Variants in C21orf58 observed in about 807,000 individuals in gnomAD.
C21orf58 encodes uncharacterized protein C21orf58.
A neutral mutation model predicts 35.8 loss-of-function variants in C21orf58; 34 were observed. The observed-to-expected ratio is 0.95, with a 90% confidence interval of 0.72 to 1.26. The LOEUF (loss-of-function observed/expected upper bound fraction) is 1.26. Among genes scored for constraint, C21orf58 ranks in the 50% most tolerant of loss-of-function variants. The pLI is 0.00. For missense variants in C21orf58, 440 were observed against 414.3 expected, an observed-to-expected ratio of 1.06 and a Z score of -0.54; for synonymous variants, 191 against 175.8, an observed-to-expected ratio of 1.09 and a Z score of -0.68.
intron 1 of C21orf58, among the ~76,000 whole-genome samples, chr21:46,320,058 A>G (rs2083103837): frequency 6.6e-6 from 1 of 152,114 alleles, no homozygotes; most frequent in African/African-American, 2.4e-5. Context: ...AACTGTATAG[A>G]GCACCCTTGA....
In C21orf58 at chr21:46,311,465, T is replaced by C. The variant is rs2082682044; in HGVS notation, c.712A>G (p.Ile238Val). The change falls in exon 6 of 8, where the codon ATT (isoleucine) becomes GTT (valine). Residue 238 changes from isoleucine to valine, a missense_variant. Transcript: ENST00000291691. ...QAFPTQRSGS[I>V]KEDMVELLLL... ...AATATGGAACACTTACCTTCCTTAA[T>C]ACTTCCTGACCGTTGAGTAGGGAAG... The C allele has an allele frequency of 6.3e-7, 1 of 1,586,922 alleles. No individual in the cohort carries two copies.
At chr21:46,320,626 T>C (rs756270541) in intron 1 of C21orf58, 1 of 150,376 alleles carries the variant, frequency 6.6e-6, no homozygotes, top group African/African-American at 2.4e-5. Context: ...ACTCTTACTA[T>C]CAGTCCTTAC....
At position 46,302,470 on chromosome 21, in the gene C21orf58, G is replaced by T; in HGVS notation, c.813+15C>A. 2 of 1,586,826 alleles carry T rather than the reference G, an allele frequency of 1.3e-6. No homozygotes were observed. Among genetic ancestry groups the T allele is most frequent in the East Asian group, 2.3e-5 (1 of 44,396 alleles). ...TGTTTCCTTGGCCTAGGGTTCTGCT[G>T]GGGGCTAAGCCTACCTGCAGGGCTG... On this transcript the variant is annotated intron_variant, in intron 7 of 7. Transcript: ENST00000291691.
At chr21:46,322,528 T>C (rs2083206213) in intron 1 of C21orf58, 111 bp downstream of exon 1, 1 of 1,309,076 alleles carries the variant, frequency 7.6e-7, no homozygotes, top group Non-Finnish European at 9.8e-7. Flanking sequence ...CCTGCTCGCT[T>C]GGCTGTGTTG....
intron 6 of C21orf58, among the ~76,000 whole-genome samples, chr21:46,304,506 A>C (rs2082327452): frequency 1.3e-5 from 2 of 152,048 alleles, no homozygotes; most frequent in South Asian, 4.1e-4. Flanking sequence ...AAAAACCTCA[A>C]AAAACAAAAA....
chr21:46,303,652 A>G (rs1389342279), intron 6 of C21orf58, among the ~76,000 whole-genome samples: 3 of 138,006 alleles, frequency 2.2e-5, no homozygotes, highest in Non-Finnish European at 4.6e-5. Context: ...AGGAGCTGAC[A>G]CCAGTCATAG....
In C21orf58 at chr21:46,315,513, A is replaced by AG. The variant is rs2082939159; in HGVS notation, c.404dup (p.Ala136CysfsTer104). ...GAAGGTCCCTCCTTCTCTTCAGAGC[A>AG]GTCTGCAGGGCATCGTCCGGCCGGT... On this transcript the variant is annotated frameshift_variant, in exon 4 of 8. Transcript: ENST00000291691. LOFTEE classifies it high-confidence loss of function. 1 of 1,612,146 alleles carries AG rather than the reference A, an allele frequency of 6.2e-7. No homozygotes were observed. Among genetic ancestry groups the AG allele is most frequent in the South Asian group, 1.1e-5 (1 of 91,062 alleles).
At chr21:46,314,553 C>T (rs1278999776) in intron 5 of C21orf58, among the ~76,000 whole-genome samples, 163 bp downstream of exon 5, 5 of 152,226 alleles carry the variant, frequency 3.3e-5, no homozygotes, top group Non-Finnish European at 5.9e-5. Flanking sequence ...GAGGCCCAGG[C>T]AGTGCCCAGG....
At chr21:46,313,071 T>G in intron 5 of C21orf58, 1 of 985,202 alleles carries the variant, frequency 1.0e-6, no homozygotes, top group South Asian at 4.7e-5. Context: ...AGACCAAGAG[T>G]TGGCAAACTT....
At chr21:46,318,488 G>A (rs940423429) in intron 1 of C21orf58, 28 of 1,359,518 alleles carry the variant, frequency 2.1e-5, no homozygotes, top group African/African-American at 1.6e-4. Flanking sequence ...AAGGGCAGTC[G>A]TGACCCCCTA....
Position 46,323,630 on chromosome 21 carries a change from GGGAGCCCTTGC to G in C21orf58, c.-903_-893del, listed in dbSNP as rs2083250448. 1 of 155,640 alleles carries G rather than the reference GGGAGCCCTTGC, an allele frequency of 6.4e-6. No homozygotes were observed. Among genetic ancestry groups the G allele is most frequent in the Non-Finnish European group, 1.4e-5 (1 of 69,926 alleles). 9.6% of individuals were successfully genotyped at this position (155,640 alleles called of 1,614,324 possible). A position where few individuals can be genotyped will look rare whatever the true frequency, so the allele number is the denominator to read the frequency against. On this transcript the variant is annotated 5_prime_UTR_variant, in exon 1 of 8. Transcript: ENST00000291691. ...GTTCCCAGGGTCCCGGCAAGGGTGA[GGGAGCCCTTGC>G]GGATCCCCTGAGATCCACCTCAGCA...
rs1555930176 is a variant in C21orf58 at position 46,314,131 on chromosome 21, G to GTTTTTTTTTGTTGT, written c.609+584_609+585insACAACAAAAAAAAA. Among the ~76,000 whole-genome samples, 135 of 145,110 alleles carry GTTTTTTTTTGTTGT rather than the reference G, an allele frequency of 9.3e-4. 1 individual carries two copies. The East Asian group carries it at 0.014, about 16-fold the overall frequency. ...TTAAGCATCTCCTGGGCATGATAAA[G>GTTTTTTTTTGTTGT]TTTTTTTTTTGAGATGGAGTCTTGT... is the stretch of plus-strand genomic sequence containing the variant. On this transcript the variant is annotated intron_variant, in intron 5 of 7. Coordinates refer to ENST00000291691, the MANE Select transcript of C21orf58 (RefSeq NM_058180.5).
At chr21:46,301,105 CA>C, downstream of C21orf58, 1 of 1,006,844 alleles carries the variant, frequency 9.9e-7, no homozygotes, top group Non-Finnish European at 1.2e-6. Context: ...TTTATTAACT[CA>C]AAAGGGATCA....
chr21:46,317,957 C>G (rs1312525135), intron 2 of C21orf58, 55 bp downstream of exon 2: 12 of 1,592,504 alleles, frequency 7.5e-6, no homozygotes, highest in Non-Finnish European at 1.0e-5. Flanking sequence ...AGAGTCCCTC[C>G]AACGCCACAG....
rs1157271957 is a variant in C21orf58, at chr21:46,302,538, G to A, written c.760C>T (p.His254Tyr). ...ATCCAGTTCTGCAGGACCAACTGGT[G>A]CACCTGTGCGTTCTGCAGCAGCAGC... ...ELLLLQNAQV[H>Y]QLVLQNWMLK... Residue 254 changes from histidine (H) to tyrosine (Y), a missense_variant, in exon 7 of 8, where the codon CAC becomes TAC. His to Tyr is a moderately conservative substitution (Grantham distance 83). Coordinates refer to ENST00000291691, the MANE Select transcript of C21orf58 (RefSeq NM_058180.5). The A allele has an allele frequency of 6.2e-7, 1 of 1,612,758 alleles. No homozygotes were observed. The highest frequency in any genetic ancestry group is 1.7e-5 in the Admixed American group (1 of 59,910).
At position 46,302,502 on chromosome 21, in the gene C21orf58, G is replaced by A. The variant is rs777681920; in HGVS notation, c.796C>T (p.Leu266=). The A allele has an allele frequency of 6.2e-6, 10 of 1,611,382 alleles. No individual in the cohort carries two copies. The African/African-American group carries it at 1.1e-4, about 17-fold the overall frequency. The change falls in exon 7 of 8, where the codon CTG becomes TTG. Residue 266 remains leucine (L), a synonymous_variant. Coordinates refer to ENST00000291691, the MANE Select transcript of C21orf58 (RefSeq NM_058180.5). ...LVLQNWMLKA[L]PPALQDPPHV... is the part of the protein sequence containing the mutation. Reference sequence around the variant, plus strand: ...AAGCCTACCTGCAGGGCTGGGGGCAGGGCCTTGAGCATCCAGTTCTGCAGG... The same window carrying A: ...AAGCCTACCTGCAGGGCTGGGGGCAAGGCCTTGAGCATCCAGTTCTGCAGG...
intron 6 of C21orf58, among the ~76,000 whole-genome samples, chr21:46,303,745 ATTTTTT>A (rs869177693): frequency 0.017 from 402 of 23,632 alleles, 1 homozygote; most frequent in Non-Finnish European, 0.018. Context: ...ATATATATAT[ATTTTTT>A]TTTTTTTTTT....
chr21:46,319,367 T>C (rs1224374627), intron 1 of C21orf58, among the ~76,000 whole-genome samples: 2 of 152,158 alleles, frequency 1.3e-5, no homozygotes, highest in Non-Finnish European at 2.9e-5. Context: ...GTGGAGGGTG[T>C]GGGCTAGGGT....
Position 46,317,206 on chromosome 21 carries a change from A to G in C21orf58, c.370+2T>C. On this transcript the variant is annotated splice_donor_variant, in intron 3 of 7. Coordinates refer to ENST00000291691, the MANE Select transcript of C21orf58 (RefSeq NM_058180.5). LOFTEE classifies it high-confidence loss of function. ...GGTTCCAAGCAGCCCAGGGGCTCTCACCTGGCTCGAGGTGGAGGCCCTCAG... is the reference window on the plus strand; with the variant it reads ...GGTTCCAAGCAGCCCAGGGGCTCTCGCCTGGCTCGAGGTGGAGGCCCTCAG... 1 of 1,609,856 alleles carries G rather than the reference A, an allele frequency of 6.2e-7. No homozygotes were observed. The highest frequency in any genetic ancestry group is 1.1e-5 in the South Asian group (1 of 90,590).
Sources: allele counts gnomAD v4.1 joint callset (sites outside exome capture counted in the v4.1 genomes callset), GRCh38; gene constraint gnomAD v4.1.1; transcripts MANE v1.5; gene names NCBI Gene and HGNC (gene_info 2026-07-23, HGNC 2026-07-21).